The following RFC3 variants were observed in gnomAD, a reference collection of about 807,000 sequenced individuals.
RFC3 encodes the protein A1 38 kDa subunit.
A neutral mutation model predicts 45.1 loss-of-function variants in RFC3; 41 were observed. The ratio of observed to expected loss-of-function variants is 0.91; its 90% CI spans 0.71 to 1.18. The LOEUF (loss-of-function observed/expected upper bound fraction) is 1.18, where lower values mean the gene tolerates loss of function less well. RFC3 is among the 50% of genes most tolerant of loss of function. The pLI, the probability that RFC3 is intolerant of heterozygous loss-of-function variation, is 0.00. For synonymous variants in RFC3, 149 were observed against 144.0 expected (o/e 1.03, Z -0.25); for missense variants, 423 against 428.1 (o/e 0.99, Z 0.10).
chr13:33,934,614 T>C (rs1051173005), intron 8 of RFC3, among the ~76,000 whole-genome samples: 12 of 152,140 alleles, frequency 7.9e-5, no homozygotes, highest in African/African-American at 2.7e-4. Flanking sequence ...CTTATTACTA[T>C]AACCTTGGTC....
intron 8 of RFC3, among the ~76,000 whole-genome samples, chr13:33,913,594 A>T (rs2082715605): frequency 6.6e-6 from 1 of 152,092 alleles, no homozygotes; most frequent in Non-Finnish European, 1.5e-5. Context: ...ACTCTCTCTA[A>T]GCCTCAGTTT....
chr13:33,970,273 T>C (rs543906619), downstream of RFC3, among the ~76,000 whole-genome samples: 3 of 152,360 alleles, frequency 2.0e-5, no homozygotes, highest in Non-Finnish European at 4.4e-5. Context: ...TCTCATTCCT[T>C]TTTATGGCTG....
chr13:33,960,375 A>G (rs1002400638), intron 8 of RFC3, among the ~76,000 whole-genome samples: 7 of 152,194 alleles, frequency 4.6e-5, no homozygotes, highest in Non-Finnish European at 1.0e-4. Context: ...TAAAGGATAA[A>G]CGAAGAGTCT....
At chr13:33,857,467 G>T (rs2082315077) in intron 8 of RFC3, among the ~76,000 whole-genome samples, 1 of 152,144 alleles carries the variant, frequency 6.6e-6, no homozygotes, top group Non-Finnish European at 1.5e-5. Context: ...GCAGGGTGTG[G>T]GCTCATGGAG....
intron 8 of RFC3, among the ~76,000 whole-genome samples, chr13:33,857,653 G>A (rs2082316342): frequency 6.6e-6 from 1 of 151,910 alleles, no homozygotes; most frequent in Non-Finnish European, 1.5e-5. Flanking sequence ...ATAAATCTTG[G>A]CTCTCTTTGC....
intron 8 of RFC3, among the ~76,000 whole-genome samples, chr13:33,895,709 T>C (rs781127908): frequency 6.6e-6 from 1 of 152,168 alleles, no homozygotes. Context: ...TGCACACATA[T>C]GTTTACTTCA....
chr13:33,976,864 A>G, the RFC3 span, among the ~76,000 whole-genome samples: 1 of 152,242 alleles, frequency 6.6e-6, no homozygotes, highest in East Asian at 1.9e-4. Context: ...CAAAGAGTTT[A>G]GCATGAAAAA....
intron 8 of RFC3, among the ~76,000 whole-genome samples, chr13:33,866,273 A>T (rs752227930): frequency 1.3e-5 from 2 of 152,150 alleles, no homozygotes; most frequent in African/African-American, 4.8e-5. Flanking sequence ...AGAGATGCCA[A>T]TGGGAAGTGC....
intron 8 of RFC3, among the ~76,000 whole-genome samples, chr13:33,947,586 C>T (rs777956157): frequency 6.6e-6 from 1 of 152,076 alleles, no homozygotes; most frequent in Non-Finnish European, 1.5e-5. Context: ...CAGAAGAAGA[C>T]AGGAAAATGT....
chr13:33,888,115 C>CT (rs1392139414), intron 8 of RFC3, among the ~76,000 whole-genome samples: 1 of 152,156 alleles, frequency 6.6e-6, no homozygotes, highest in South Asian at 2.1e-4. Flanking sequence ...GATGCAGGCT[C>CT]TTTTTTGGTT....
chr13:33,874,270 C>G (rs1159297674), intron 8 of RFC3, among the ~76,000 whole-genome samples: 2 of 152,178 alleles, frequency 1.3e-5, no homozygotes, highest in African/African-American at 4.8e-5. Flanking sequence ...GATGGGGACA[C>G]TGGCCCAGCA....
At chr13:33,851,501 GA>G (rs2082276341) in intron 8 of RFC3, among the ~76,000 whole-genome samples, 2 of 152,050 alleles carry the variant, frequency 1.3e-5, no homozygotes, top group Admixed American at 6.6e-5. Context: ...TCCTGAGGAA[GA>G]AAAAATATAT....
At chr13:33,971,592 G>GA in the RFC3 span, among the ~76,000 whole-genome samples, 2 of 152,204 alleles carry the variant, frequency 1.3e-5, no homozygotes, top group African/African-American at 4.8e-5. Flanking sequence ...TAAGGCAAAT[G>GA]AAGAAGCATG....
At chr13:33,827,281 T>C (rs538184633) in intron 4 of RFC3, among the ~76,000 whole-genome samples, 1 of 152,238 alleles carries the variant, frequency 6.6e-6, no homozygotes, top group South Asian at 2.1e-4. Flanking sequence ...AGAGCGAGAC[T>C]ATATCTCCAA....
intron 8 of RFC3, among the ~76,000 whole-genome samples, chr13:33,893,655 C>A (rs1338245471): frequency 6.6e-6 from 1 of 151,922 alleles, no homozygotes; most frequent in African/African-American, 2.4e-5. Flanking sequence ...AGAAATTTAT[C>A]AGACTAATTT....
At chr13:33,865,156 T>C (rs185875116) in intron 8 of RFC3, among the ~76,000 whole-genome samples, 188 of 152,320 alleles carry the variant, frequency 1.2e-3, no homozygotes, top group Non-Finnish European at 3.5e-4. Context: ...CAGTTGTTGC[T>C]GGAGAGGTTT....
rs949149110 is a variant in RFC3 at position 33,851,370 on chromosome 13, T to C, written c.879+16153T>C. ...TTTGACTCCCCCAAACTTAATAGAC[T>C]AATGTTGACCAGAGCCTTACCAACA... On this transcript the variant is annotated intron_variant, in intron 8 of 8. Coordinates refer to the RFC3 transcript ENST00000434425. Among the ~76,000 whole-genome samples, 11 of 152,272 alleles carry C rather than the reference T, an allele frequency of 7.2e-5. No individual in the cohort carries two copies. In the East Asian group the frequency reaches 2.1e-3, roughly 29 times the overall value.
chr13:33,832,989 G>A (rs191342221), intron 7 of RFC3, among the ~76,000 whole-genome samples: 207 of 152,168 alleles, frequency 1.4e-3, no homozygotes, highest in African/African-American at 4.8e-3. Context: ...ACATTTTGAC[G>A]GCTTATAAAT....
At chr13:33,900,524 GA>G (rs902042075) in intron 8 of RFC3, among the ~76,000 whole-genome samples, 7 of 145,094 alleles carry the variant, frequency 4.8e-5, no homozygotes, top group South Asian at 2.2e-4. Flanking sequence ...TCACCATATA[GA>G]AAAAAAAACG....
Sources: gnomAD v4.1 joint callset for allele counts (sites outside exome capture counted in the v4.1 genomes callset) on GRCh38, gnomAD v4.1.1 for gene constraint, MANE v1.5 for transcripts, NCBI Gene and HGNC (gene_info 2026-07-23, HGNC 2026-07-21) for gene names.